The following MIDEAS variants were observed in gnomAD, a reference collection of about 807,000 sequenced individuals.
The protein encoded by MIDEAS is mitotic deacetylase associated SANT domain protein, also known as mitotic deacetylase-associated SANT domain protein.
Under a neutral mutation model 102.7 loss-of-function variants are expected in MIDEAS, and 26 were observed. The ratio of observed to expected loss-of-function variants is 0.25; its 90% CI spans 0.19 to 0.35. The LOEUF is 0.35. MIDEAS is among the 10% of genes least tolerant of loss of function. The pLI is 1.00. For missense variants in MIDEAS, 1,231 were observed against 1,435.6 expected (o/e 0.86, Z 2.30); for synonymous variants, 585 against 591.0 (o/e 0.99, Z 0.15).
intron 3 of MIDEAS, among the ~76,000 whole-genome samples, chr14:73,733,800 T>C (rs1199589168): frequency 6.6e-6 from 1 of 151,932 alleles, no homozygotes; most frequent in Non-Finnish European, 1.5e-5. Flanking sequence ...GTTCAAGCGA[T>C]TCTCTTGCCT....
At chr14:73,728,985 G>A (rs781367272) in intron 4 of MIDEAS, 8 of 152,296 alleles carry the variant, frequency 5.3e-5, no homozygotes, top group Non-Finnish European at 7.3e-5. Context: ...GCATCTATAA[G>A]CTAGCTACTT....
At chr14:73,726,809 T>G in intron 6 of MIDEAS, 21 bp downstream of exon 6, 1 of 1,606,348 alleles carries the variant, frequency 6.2e-7, no homozygotes, top group Non-Finnish European at 8.5e-7. Context: ...CCTCACTTGC[T>G]GCCCCCAGGC....
In MIDEAS at chr14:73,730,456, T is replaced by C. The variant is rs116199623; in HGVS notation, c.1750-471A>G. Among the ~76,000 whole-genome samples the C allele has an allele frequency of 5.3e-3, 810 of 152,298 alleles. 4 individuals are homozygous for C. Among genetic ancestry groups the C allele is most frequent in the African/African-American group, 0.019 (780 of 41,558 alleles). On this transcript the variant is annotated intron_variant, in intron 3 of 12. Coordinates refer to ENST00000423556, the MANE Select transcript of MIDEAS (RefSeq NM_001367710.1). Reference sequence around the variant, plus strand: ...TATTGCCACTGAAAATTACTCAATCTTTCCGTGCATCTTCATAACATGGTG... The same window carrying C: ...TATTGCCACTGAAAATTACTCAATCCTTCCGTGCATCTTCATAACATGGTG...
At chr14:73,781,886 G>A (rs1018735329) in intron 1 of MIDEAS, among the ~76,000 whole-genome samples, 3 of 152,092 alleles carry the variant, frequency 2.0e-5, no homozygotes, top group Admixed American at 1.3e-4. Context: ...GGGAAACCTT[G>A]TCTTTACTAA....
intron 1 of MIDEAS, among the ~76,000 whole-genome samples, chr14:73,785,079 T>C (rs866104196): frequency 6.6e-6 from 1 of 152,324 alleles, no homozygotes; most frequent in Non-Finnish European, 1.5e-5. Flanking sequence ...AGGCTGCCCA[T>C]GCCCAGCATA....
intron 2 of MIDEAS, 91 bp downstream of exon 2, chr14:73,738,469 C>T (rs1407454524): frequency 4.1e-5 from 59 of 1,428,222 alleles, no homozygotes; most frequent in Non-Finnish European, 5.2e-5. Flanking sequence ...CAAAGTCTGG[C>T]TTTCCCTAGG....
intron 1 of MIDEAS, among the ~76,000 whole-genome samples, chr14:73,756,073 A>G (rs563455002): frequency 6.6e-6 from 1 of 152,288 alleles, no homozygotes; most frequent in South Asian, 2.1e-4. Context: ...AGGTCTGCCC[A>G]GGCCTCATTC....
rs775743222 is a variant in MIDEAS at position 73,739,292 on chromosome 14, C to A, written c.717G>T (p.Pro239=). Residue 239 remains proline (P), a synonymous_variant, in exon 2 of 13, where the codon CCG becomes CCT. Transcript: ENST00000423556. ...GCTTCTGTGGAGGGAAGGCAGCCAC[C>A]GGGTTTGGGGGCGGTGGGCCCTGCC... is the stretch of plus-strand genomic sequence containing the variant. The part of the protein sequence containing the change: ...VFRQGPPPPN[P]VAAFPPQKQQ... 2.5e-6 allele frequency: 4 copies of A among 1,611,552 alleles called. No homozygotes were observed. The highest frequency in any genetic ancestry group is 2.7e-5 in the African/African-American group (2 of 74,994).
chr14:73,732,009 T>TACC (rs1420769141), intron 3 of MIDEAS, among the ~76,000 whole-genome samples: 6 of 152,258 alleles, frequency 3.9e-5, no homozygotes, highest in African/African-American at 1.4e-4. Flanking sequence ...GGGCTAGCTC[T>TACC]ACCATTACTT....
Position 73,742,035 on chromosome 14 carries a change from C to A in MIDEAS, c.-247-1780G>T, listed in dbSNP as rs1359497308. Among the ~76,000 whole-genome samples the A allele has an allele frequency of 6.6e-6, 1 of 152,234 alleles. No homozygotes were observed. The highest frequency in any genetic ancestry group is 2.4e-5 in the African/African-American group (1 of 41,458). On this transcript the variant is annotated intron_variant, in intron 1 of 12. Coordinates refer to ENST00000423556, the MANE Select transcript of MIDEAS (RefSeq NM_001367710.1). The surrounding 1 kb of genome is among the most constrained non-coding windows in gnomAD (Gnocchi z 4.4). ...CCCTGACAGCCAACCTAATTCAGAG[C>A]AGGAACCCAAAAGCTAAACCCTGCA...
At chr14:73,743,483 C>T (rs1289117924) in intron 1 of MIDEAS, among the ~76,000 whole-genome samples, 2 of 152,160 alleles carry the variant, frequency 1.3e-5, no homozygotes, top group African/African-American at 2.4e-5. Context: ...AACCCCACCC[C>T]GGGCTCAGTT....
intron 1 of MIDEAS, among the ~76,000 whole-genome samples, chr14:73,774,095 AG>A (rs1485363979): frequency 6.6e-6 from 1 of 151,700 alleles, no homozygotes; most frequent in East Asian, 1.9e-4. Context: ...ACTCCTCCAC[AG>A]GTCTCTCTGA....
intron 12 of MIDEAS, 37 bp downstream of exon 12, chr14:73,719,268 G>A: frequency 1.1e-6 from 1 of 910,334 alleles, no homozygotes; most frequent in Non-Finnish European, 1.4e-6. Context: ...GCACCAGCCC[G>A]CGGGGGTCCC....
intron 1 of MIDEAS, among the ~76,000 whole-genome samples, chr14:73,776,166 C>T (rs568364622): frequency 3.3e-5 from 5 of 152,126 alleles, no homozygotes; most frequent in Non-Finnish European, 5.9e-5. Context: ...AGCCAACCCT[C>T]GGCCTCTGTC....
Position 73,737,247 on chromosome 14 carries a change from G to C in MIDEAS, c.1500C>G (p.Thr500=). 1 of 1,614,044 alleles carries C rather than the reference G, an allele frequency of 6.2e-7. No homozygotes were observed. Among genetic ancestry groups the C allele is most frequent in the East Asian group, 2.2e-5 (1 of 44,872 alleles). Residue 500 remains threonine (T), a synonymous_variant, in exon 3 of 13, where the codon ACC becomes ACG. Transcript: ENST00000423556. ...EKRKSVLAST[T]KCGVEFSEPS... ...GCTCAGAAAACTCCACCCCACACTT[G>C]GTAGTTGAGGCCAATACACTTTTCC...
chr14:73,761,700 G>A (rs546123101), upstream of MIDEAS, among the ~76,000 whole-genome samples: 3 of 152,264 alleles, frequency 2.0e-5, no homozygotes, highest in East Asian at 1.9e-4. Context: ...CGGGCTCCCC[G>A]ATTTAGCATC....
Position 73,737,120 on chromosome 14 carries a change from G to T in MIDEAS, c.1627C>A (p.Gln543Lys), listed in dbSNP as rs1390294521. The stretch of plus-strand genomic sequence containing the variant: ...CCGTCCTCATCAAGACCTCCAGCCT[G>T]GGCTGCCTCAGTTGGGTCCACAGTT... ...VRTVDPTEAA[Q>K]AGGLDEDGKG... Residue 543 changes from glutamine (Q) to lysine (K), a missense_variant, in exon 3 of 13, where the codon CAG becomes AAG. Physicochemically the swap from Gln to Lys is moderately conservative, Grantham distance 53. Around this residue, in one of 5 missense-constraint regions of MIDEAS, gnomAD observed 758 missense variants for 856.0 expected, o/e 0.89. Coordinates refer to ENST00000423556, the MANE Select transcript of MIDEAS (RefSeq NM_001367710.1). 5 of 1,614,206 alleles carry T rather than the reference G, an allele frequency of 3.1e-6. No individual in the cohort carries two copies. The highest frequency in any genetic ancestry group is 4.2e-6 in the Non-Finnish European group (5 of 1,180,024).
intron 9 of MIDEAS, chr14:73,724,833 G>A (rs779561421): frequency 5.6e-4 from 97 of 173,650 alleles, no homozygotes; most frequent in Non-Finnish European, 1.1e-3. Context: ...TGAGTTACTG[G>A]AAGGCAACTC....
chr14:73,727,298 G>A (rs1432305347), intron 5 of MIDEAS, 160 bp downstream of exon 5: 37 of 753,490 alleles, frequency 4.9e-5, no homozygotes, highest in Middle Eastern at 3.6e-4. Context: ...GAGGCAGGGC[G>A]GGGACAGCAA....
Sources: allele counts gnomAD v4.1 joint callset (sites outside exome capture counted in the v4.1 genomes callset), GRCh38; gene constraint gnomAD v4.1.1; regional missense constraint gnomAD v4.1.1; non-coding constraint Gnocchi (gnomAD v3.1); transcripts MANE v1.5; gene names NCBI Gene and HGNC (gene_info 2026-07-23, HGNC 2026-07-21).